IFT140: variants seen among roughly 807,000 people sequenced by gnomAD.
The protein encoded by IFT140 is intraflagellar transport protein 140 homolog.
A neutral mutation model predicts 164.6 loss-of-function variants in IFT140; 133 were observed. The ratio of observed to expected loss-of-function variants is 0.81; its 90% CI spans 0.70 to 0.93. The LOEUF (loss-of-function observed/expected upper bound fraction) is 0.93. IFT140 is among the 40% of genes least tolerant of loss of function. The pLI is 0.00. For missense variants in IFT140, 2,045 were observed against 1,972.3 expected, an observed-to-expected ratio of 1.04 and a Z score of -0.70; for synonymous variants, 860 against 817.3, an observed-to-expected ratio of 1.05 and a Z score of -0.89.
chr16:1,534,428 G>C (rs764604769), intron 19 of IFT140: 1 of 1,612,206 alleles, frequency 6.2e-7, no homozygotes, highest in African/African-American at 1.3e-5. Context: ...CCTGCTGGCT[G>C]GTGGACAGGA....
chr16:1,535,410 G>T (rs954642436), intron 19 of IFT140, among the ~76,000 whole-genome samples: 5 of 152,172 alleles, frequency 3.3e-5, no homozygotes, highest in Admixed American at 2.0e-4. Context: ...CCCAAAGGCC[G>T]ACTCTCTGAA....
intron 7 of IFT140, 97 bp downstream of exon 7, chr16:1,589,508 C>G: frequency 7.9e-7 from 1 of 1,271,078 alleles, no homozygotes; most frequent in Non-Finnish European, 1.1e-6. Flanking sequence ...GGCTTTTTTT[C>G]AGTCTTGCTA....
Position 1,514,016 on chromosome 16 carries a change from C to A in IFT140, c.4183-2866G>T, listed in dbSNP as rs575888772. Among the ~76,000 whole-genome samples the A allele has an allele frequency of 2.0e-5, 3 of 151,894 alleles. No individual in the cohort carries two copies. In the East Asian group the frequency reaches 5.9e-4, roughly 30 times the overall value. On this transcript the variant is annotated intron_variant, in intron 30 of 30. Coordinates refer to ENST00000426508, the MANE Select transcript of IFT140 (RefSeq NM_014714.4). ...CCTCAGGGTAGGCCCAAGTCAGGGC[C>A]AGTGTGGGCATCAGCCACCTCGAAG...
In IFT140 at chr16:1,584,326, A is replaced by C; in HGVS notation, c.1250T>G (p.Val417Gly). 1.2e-6 allele frequency: 2 copies of C among 1,613,668 alleles called. No individual in the cohort carries two copies. Among genetic ancestry groups the C allele is most frequent in the Non-Finnish European group, 8.5e-7 (1 of 1,179,964 alleles). The change falls in exon 11 of 31, where the codon GTG becomes GGG. Residue 417 changes from valine (V) to glycine (G), a missense_variant. Transcript: ENST00000426508. ...ACTCGGGGAGACCTGCATGGCGGCC[A>C]CTTGCTGGTGGAAGTGTGACGACAT... Reference protein sequence around the residue: ...RAMSSHFHQQVAAMQVSPSLL... With the variant: ...RAMSSHFHQQGAAMQVSPSLL...
intron 13 of IFT140, 88 bp downstream of exon 13, chr16:1,580,671 G>T (rs1034427367): frequency 1.1e-6 from 1 of 870,906 alleles, no homozygotes; most frequent in East Asian, 2.5e-5. Context: ...AATAACCTTA[G>T]GTGAAATCAA....
At chr16:1,528,183 G>A (rs954513671) in intron 19 of IFT140, among the ~76,000 whole-genome samples, 1 of 152,126 alleles carries the variant, frequency 6.6e-6, no homozygotes, top group Non-Finnish European at 1.5e-5. Flanking sequence ...TCAGACAAAG[G>A]CCCTGTTCCA....
chr16:1,562,538 C>A (rs1319989961), intron 17 of IFT140, among the ~76,000 whole-genome samples: 1 of 152,298 alleles, frequency 6.6e-6, no homozygotes, highest in East Asian at 1.9e-4. Flanking sequence ...CTTTGGGAGG[C>A]TGAGGTGGGC....
intron 12 of IFT140, among the ~76,000 whole-genome samples, chr16:1,583,058 G>C (rs895513986): frequency 1.3e-5 from 2 of 152,186 alleles, no homozygotes; most frequent in African/African-American, 2.4e-5. Context: ...TCAGAAGATG[G>C]GAGGCAGCCA....
At chr16:1,575,317 G>C (rs910836083) in intron 13 of IFT140, among the ~76,000 whole-genome samples, 1 of 152,024 alleles carries the variant, frequency 6.6e-6, no homozygotes, top group Non-Finnish European at 1.5e-5. Flanking sequence ...TGAGGCTGCA[G>C]TGAGCTATGA....
In IFT140 at chr16:1,562,055, C is replaced by A. The variant is rs957993470; in HGVS notation, c.2129G>T (p.Ser710Ile). Reference protein sequence around the residue: ...SEEHGFLLHESFPRPATSHSL... With the variant: ...SEEHGFLLHEIFPRPATSHSL... ...GTGGGAGGTGGCAGGCCGGGGGAAG[C>A]TCTCATGAAGCAGGAAGCCGTGCTC... The change falls in exon 18 of 31, where the codon AGC becomes ATC. Residue 710 changes from serine to isoleucine, a missense_variant. Ser to Ile is a moderately radical substitution (Grantham distance 142). Coordinates refer to ENST00000426508, the MANE Select transcript of IFT140 (RefSeq NM_014714.4). 6.2e-7 allele frequency: 1 copy of A among 1,612,110 alleles called. No individual in the cohort carries two copies. The highest frequency in any genetic ancestry group is 1.3e-5 in the African/African-American group (1 of 74,954).
intron 30 of IFT140, 96 bp downstream of exon 30, chr16:1,518,120 G>A: frequency 7.8e-7 from 1 of 1,274,876 alleles, no homozygotes; most frequent in Non-Finnish European, 1.1e-6. Context: ...TTACAGGAGT[G>A]AGCCGCCACA....
intron 30 of IFT140, chr16:1,514,134 C>T (rs2040272396): frequency 6.6e-6 from 1 of 151,030 alleles, no homozygotes; most frequent in African/African-American, 2.4e-5. Context: ...TTTGGGAGGC[C>T]AAGGTGGGTG....
In IFT140 at chr16:1,516,155, A is replaced by T; in HGVS notation, c.4182+2061T>A. Among the ~76,000 whole-genome samples the T allele has an allele frequency of 2.1e-5, 2 of 96,376 alleles. 1 individual carries two copies. Among genetic ancestry groups the T allele is most frequent in the African/African-American group, 1.2e-4 (2 of 16,982 alleles). The allele number at this position is 96,376 out of a possible 152,430, so 63.2% of individuals were successfully genotyped here. On this transcript the variant is annotated intron_variant, in intron 30 of 30. Transcript: ENST00000426508. Reference sequence around the variant, plus strand: ...ACTCTGTCTCAAAAAAAAAAAAAAAAAAAAAAAAAAAAAAAAAAAAAAACA... The same window carrying T: ...ACTCTGTCTCAAAAAAAAAAAAAAATAAAAAAAAAAAAAAAAAAAAAAACA...
chr16:1,583,895 C>T (rs1289423183), intron 11 of IFT140, among the ~76,000 whole-genome samples: 5 of 152,166 alleles, frequency 3.3e-5, no homozygotes, highest in Admixed American at 2.6e-4. Context: ...CAGGCATACA[C>T]CCCGACGCCT....
At chr16:1,594,066 A>G (rs1360582146) in intron 4 of IFT140, among the ~76,000 whole-genome samples, 2 of 152,138 alleles carry the variant, frequency 1.3e-5, no homozygotes, top group African/African-American at 4.8e-5. Flanking sequence ...GTTATCATCC[A>G]AGGCTGCTTC....
chr16:1,512,626 G>A (rs921231079), intron 30 of IFT140, among the ~76,000 whole-genome samples: 3 of 152,078 alleles, frequency 2.0e-5, no homozygotes, highest in African/African-American at 4.8e-5. Flanking sequence ...GCTTTTATAC[G>A]GAAAACTATA....
intron 18 of IFT140, among the ~76,000 whole-genome samples, chr16:1,559,580 C>G (rs924299393): frequency 5.3e-5 from 8 of 152,230 alleles, no homozygotes; most frequent in Admixed American, 6.5e-5. Flanking sequence ...AAAACTCCCT[C>G]TATTGCAAAT....
Position 1,589,590 on chromosome 16 carries a change from C to G in IFT140, c.810+15G>C. ...AAGATCCCCAGCGTGAGCCCCCAAG[C>G]CCACTCCCACTCACCTTCATCACTT... On this transcript the variant is annotated intron_variant, in intron 7 of 30. Coordinates refer to ENST00000426508, the MANE Select transcript of IFT140 (RefSeq NM_014714.4). 1 of 1,610,012 alleles carries G rather than the reference C, an allele frequency of 6.2e-7. No homozygotes were observed. Among genetic ancestry groups the G allele is most frequent in the South Asian group, 1.1e-5 (1 of 90,962 alleles).
At chr16:1,567,834 C>A (rs147229745) in intron 15 of IFT140, among the ~76,000 whole-genome samples, 10 of 152,366 alleles carry the variant, frequency 6.6e-5, no homozygotes, top group Non-Finnish European at 1.0e-4. Flanking sequence ...AGTGGGACGC[C>A]TGAGGGCTCT....
Sources: gnomAD v4.1 joint callset for allele counts (sites outside exome capture counted in the v4.1 genomes callset) on GRCh38, gnomAD v4.1.1 for gene constraint, MANE v1.5 for transcripts, NCBI Gene and HGNC (gene_info 2026-07-23, HGNC 2026-07-21) for gene names.